PLPP1: variants seen among roughly 807,000 people sequenced by gnomAD.
The protein encoded by PLPP1 is phospholipid phosphatase 1, also known as lipid phosphate phosphohydrolase 1a.
A neutral mutation model predicts 31.2 loss-of-function variants in PLPP1; 24 were observed. The observed-to-expected ratio is 0.77, with a 90% CI of 0.56 to 1.08. The LOEUF is 1.08. PLPP1 is among the 50% of genes least tolerant of loss of function. The pLI is 0.00. For synonymous variants in PLPP1, 146 were observed against 126.3 expected (o/e 1.16, Z -1.05); for missense variants, 319 against 342.7 (o/e 0.93, Z 0.55).
chr5:55,483,742 C>A (rs1452664720), intron 1 of PLPP1, among the ~76,000 whole-genome samples: 2 of 148,954 alleles, frequency 1.3e-5, no homozygotes, highest in Non-Finnish European at 3.0e-5. Context: ...GTATTTTTTA[C>A]ACTTAGAATG....
chr5:55,528,662 C>T (rs1036687201), intron 1 of PLPP1, among the ~76,000 whole-genome samples: 3 of 152,136 alleles, frequency 2.0e-5, no homozygotes, highest in South Asian at 2.1e-4. Flanking sequence ...TAAAACATCG[C>T]GCCTTTTCCA....
chr5:55,503,175 G>C (rs929815005), intron 1 of PLPP1, among the ~76,000 whole-genome samples: 23 of 152,180 alleles, frequency 1.5e-4, no homozygotes, highest in African/African-American at 5.6e-4. Flanking sequence ...CCTCAGGTGA[G>C]GCCCAAAATG....
intron 1 of PLPP1, among the ~76,000 whole-genome samples, chr5:55,514,591 G>A (rs1209111581): frequency 6.6e-6 from 1 of 151,968 alleles, no homozygotes; most frequent in African/African-American, 2.4e-5. Flanking sequence ...TGTCTCAGAA[G>A]GAAAACATAA....
chr5:55,485,767 T>C (rs1752763758), intron 1 of PLPP1, among the ~76,000 whole-genome samples: 1 of 152,120 alleles, frequency 6.6e-6, no homozygotes, highest in Non-Finnish European at 1.5e-5. Context: ...TTCTTCTCCC[T>C]CTCAATATAT....
intron 5 of PLPP1, 23 bp from the exon 6 acceptor site, chr5:55,425,357 G>A: frequency 6.4e-7 from 1 of 1,558,726 alleles, no homozygotes; most frequent in Admixed American, 1.9e-5. Context: ...ATATTTAATG[G>A]TATAATTTAG....
In PLPP1 at chr5:55,529,945, C is replaced by T. The variant is rs550860196; in HGVS notation, c.58+4627G>A. ...CATTACATTAGTGAAACATCTTTTACGCTTTTAAAGCTAATGTCATAACTT... is the reference window on the plus strand; with the variant it reads ...CATTACATTAGTGAAACATCTTTTATGCTTTTAAAGCTAATGTCATAACTT... On this transcript the variant is annotated intron_variant, in intron 1 of 5. Coordinates refer to ENST00000307259, the MANE Select transcript of PLPP1 (RefSeq NM_003711.4). Among the ~76,000 whole-genome samples the T allele has an allele frequency of 9.8e-5, 15 of 152,300 alleles. No homozygotes were observed. The South Asian group carries it at 1.0e-3, about 11-fold the overall frequency.
intron 1 of PLPP1, among the ~76,000 whole-genome samples, chr5:55,514,424 C>G (rs1458679622): frequency 6.6e-6 from 1 of 152,014 alleles, no homozygotes; most frequent in Non-Finnish European, 1.5e-5. Flanking sequence ...CAAATAAAAT[C>G]CAGACCTGAC....
At chr5:55,467,619 A>C (rs1752332562) in intron 3 of PLPP1, among the ~76,000 whole-genome samples, 1 of 152,012 alleles carries the variant, frequency 6.6e-6, no homozygotes, top group Admixed American at 6.6e-5. Flanking sequence ...AATGATCTAT[A>C]AGGTTCATTT....
chr5:55,426,764 T>C (rs989905366), intron 4 of PLPP1, among the ~76,000 whole-genome samples: 2 of 152,118 alleles, frequency 1.3e-5, no homozygotes, highest in Non-Finnish European at 1.5e-5. Flanking sequence ...TGGGCACAGG[T>C]TGCCATTGCT....
At chr5:55,448,580 T>C in intron 3 of PLPP1, among the ~76,000 whole-genome samples, 1 of 151,482 alleles carries the variant, frequency 6.6e-6, no homozygotes. Flanking sequence ...CCCAAGTAGC[T>C]AGGATTACAG....
Position 55,514,146 on chromosome 5 carries a change from A to G in PLPP1, c.58+20426T>C, listed in dbSNP as rs534019309. ...ATAATCCCAGCACTTTGGTAGGCCA[A>G]GGCAGGCAGATTGCTTGAGCCCAGG... On this transcript the variant is annotated intron_variant, in intron 1 of 5. Transcript: ENST00000307259. Among the ~76,000 whole-genome samples, 17 of 152,362 alleles carry G rather than the reference A, an allele frequency of 1.1e-4. No individual in the cohort carries two copies. In the South Asian group the frequency reaches 3.1e-3, roughly 28 times the overall value.
chr5:55,426,044 A>T lies in PLPP1; in HGVS notation c.550-5T>A. ...CATCCTGGCTTGAAGATAAAGCTAA[A>T]AGAAAAGAATAAAGAAAAAAATAGT... is the stretch of plus-strand genomic sequence containing the variant. On this transcript the variant is annotated splice_polypyrimidine_tract_variant and splice_region_variant and intron_variant, in intron 4 of 5. Coordinates refer to ENST00000307259, the MANE Select transcript of PLPP1 (RefSeq NM_003711.4). 5.1e-6 allele frequency: 8 copies of T among 1,575,224 alleles called. No homozygotes were observed. Among genetic ancestry groups the T allele is most frequent in the Non-Finnish European group, 6.9e-6 (8 of 1,167,614 alleles).
intron 3 of PLPP1, among the ~76,000 whole-genome samples, chr5:55,467,464 T>TCACTTGA (rs1185305659): frequency 6.6e-6 from 1 of 151,600 alleles, no homozygotes; most frequent in Non-Finnish European, 1.5e-5. Flanking sequence ...GGTGGAAGGA[T>TCACTTGA]CACTTGAGCC....
At chr5:55,503,571 C>A (rs1404159269) in intron 1 of PLPP1, among the ~76,000 whole-genome samples, 1 of 150,754 alleles carries the variant, frequency 6.6e-6, no homozygotes, top group Non-Finnish European at 1.5e-5. Context: ...AGGTCAGGAG[C>A]TCAAGACCAA....
chr5:55,521,298 G>A (rs1169263346), intron 1 of PLPP1, among the ~76,000 whole-genome samples: 1 of 151,818 alleles, frequency 6.6e-6, no homozygotes, highest in African/African-American at 2.4e-5. Flanking sequence ...GCTGCAGTGA[G>A]CCGAGATTGC....
At chr5:55,528,254 G>A (rs1740540622) in intron 1 of PLPP1, among the ~76,000 whole-genome samples, 1 of 152,090 alleles carries the variant, frequency 6.6e-6, no homozygotes, top group Non-Finnish European at 1.5e-5. Context: ...GTAATTCCAG[G>A]TAACTTCTGA....
At chr5:55,454,886 C>T (rs909460058) in intron 3 of PLPP1, among the ~76,000 whole-genome samples, 3 of 152,214 alleles carry the variant, frequency 2.0e-5, no homozygotes, top group African/African-American at 4.8e-5. Flanking sequence ...AGACCATATT[C>T]TTCTTCAGCC....
At chr5:55,523,276 A>T (rs1554042352) in intron 1 of PLPP1, among the ~76,000 whole-genome samples, 1 of 152,108 alleles carries the variant, frequency 6.6e-6, no homozygotes, top group Non-Finnish European at 1.5e-5. Flanking sequence ...TGTACAATTA[A>T]ATTATTATTG....
At chr5:55,443,192 A>AAAAAAAAAAAATATAT in intron 3 of PLPP1, among the ~76,000 whole-genome samples, 8 of 25,440 alleles carry the variant, frequency 3.1e-4, no homozygotes, top group Admixed American at 7.8e-4. Flanking sequence ...AAAAAAAAAA[A>AAAAAAAAAAAATATAT]ATATATATAT....
Sources: gnomAD v4.1 joint callset for allele counts (sites outside exome capture counted in the v4.1 genomes callset) on GRCh38, gnomAD v4.1.1 for gene constraint, MANE v1.5 for transcripts, NCBI Gene and HGNC (gene_info 2026-07-23, HGNC 2026-07-21) for gene names.